Variants in NTN4 observed in about 807,000 individuals in gnomAD.
NTN4 encodes the protein netrin 4, also known as netrin-4.
In NTN4, 32 loss-of-function variants were observed where a neutral mutation model predicts 73.6. The ratio of observed to expected loss-of-function variants is 0.44; its 90% CI spans 0.33 to 0.58. NTN4 has a LOEUF of 0.58. NTN4 is among the 20% of genes least tolerant of loss of function. The pLI, the probability that NTN4 is intolerant of heterozygous loss-of-function variation, is 0.04. For synonymous variants in NTN4, 258 were observed against 287.5 expected (o/e 0.90, Z 1.04); for missense variants, 654 against 798.3 (o/e 0.82, Z 2.18).
At chr12:95,725,344 T>C (rs2078685041) in intron 3 of NTN4, among the ~76,000 whole-genome samples, 1 of 152,152 alleles carries the variant, frequency 6.6e-6, no homozygotes, top group Non-Finnish European at 1.5e-5. Flanking sequence ...TTAGAAGTTG[T>C]TATAATTAGT....
chr12:95,675,344 C>A (rs1017006943), intron 7 of NTN4, among the ~76,000 whole-genome samples: 1 of 152,166 alleles, frequency 6.6e-6, no homozygotes, highest in Non-Finnish European at 1.5e-5. Context: ...CATATGTTCT[C>A]TATGAGAAGG....
chr12:95,672,507 G>C, intron 7 of NTN4: 1 of 1,537,358 alleles, frequency 6.5e-7, no homozygotes. Context: ...GGACCCTCTG[G>C]ACAGTGCTAG....
intron 8 of NTN4, among the ~76,000 whole-genome samples, chr12:95,666,488 G>A (rs924381828): frequency 9.9e-5 from 15 of 151,922 alleles, no homozygotes; most frequent in African/African-American, 2.7e-4. Flanking sequence ...GCTTTATCTC[G>A]TTTATCTATA....
At chr12:95,713,652 A>T (rs769174681) in intron 3 of NTN4, among the ~76,000 whole-genome samples, 43 of 152,200 alleles carry the variant, frequency 2.8e-4, no homozygotes, top group African/African-American at 4.3e-4. Context: ...TTAATTTTTT[A>T]AAATTCTTTA....
At chr12:95,748,244 A>AAAAAAAAAG (rs1555219977) in intron 2 of NTN4, among the ~76,000 whole-genome samples, 3 of 138,482 alleles carry the variant, frequency 2.2e-5, no homozygotes, top group Non-Finnish European at 4.6e-5. Flanking sequence ...AAAAAAAAAA[A>AAAAAAAAAG]AAAAGAAAAG....
chr12:95,720,357 C>G (rs190913451), intron 3 of NTN4, among the ~76,000 whole-genome samples: 2 of 152,270 alleles, frequency 1.3e-5, no homozygotes, highest in Non-Finnish European at 2.9e-5. Flanking sequence ...CCTGAAAAAA[C>G]CATGAATGGA....
intron 2 of NTN4, among the ~76,000 whole-genome samples, chr12:95,752,301 C>T (rs572532121): frequency 2.6e-3 from 387 of 150,928 alleles, no homozygotes; most frequent in African/African-American, 8.5e-3. Flanking sequence ...AGTTCAGGAT[C>T]TGCGCCTTAT....
At chr12:95,710,778 T>C in intron 4 of NTN4, 149 bp from the exon 5 acceptor site, 1 of 661,226 alleles carries the variant, frequency 1.5e-6, no homozygotes, top group South Asian at 2.2e-5. Flanking sequence ...CTGAGGCAGG[T>C]GGATCACCTG....
chr12:95,790,928 C>CGGGGT (rs1555222867), upstream of NTN4, among the ~76,000 whole-genome samples: 2 of 117,128 alleles, frequency 1.7e-5, no homozygotes, highest in East Asian at 3.6e-4. This position sits in a 1 kb window ranked among gnomAD's most constrained non-coding sequence, Gnocchi z 6.5. Flanking sequence ...CGCTGCCGCC[C>CGGGGT]GGGGGGGGGG....
chr12:95,672,416 GAAGCGCAGGCGGGCAGGCGCTGCT>G (rs1440794253), intron 7 of NTN4: 2 of 1,173,336 alleles, frequency 1.7e-6, no homozygotes, highest in Non-Finnish European at 2.6e-6. Context: ...ACCAGGAGGT[GAAGCGCAGGCGGGCAGGCGCTGCT>G]AGATGTTGGC....
chr12:95,777,162 C>T (rs1565917381), intron 2 of NTN4, among the ~76,000 whole-genome samples: 1 of 152,266 alleles, frequency 6.6e-6, no homozygotes, highest in African/African-American at 2.4e-5. Flanking sequence ...CTGAAGGAAG[C>T]ACTAAACATG....
intron 2 of NTN4, among the ~76,000 whole-genome samples, chr12:95,785,951 A>C (rs2079164493): frequency 6.6e-6 from 1 of 152,156 alleles, no homozygotes; most frequent in Admixed American, 6.5e-5. Flanking sequence ...TCTGAGGTTT[A>C]GCATCATCTC....
intron 7 of NTN4, chr12:95,672,925 C>G (rs1380777990): frequency 8.8e-7 from 1 of 1,142,236 alleles, no homozygotes; most frequent in Admixed American, 1.7e-5. Context: ...TATCATGGAG[C>G]TGAACCTGCT....
intron 3 of NTN4, among the ~76,000 whole-genome samples, chr12:95,737,042 C>A (rs977083869): frequency 2.0e-5 from 3 of 152,184 alleles, no homozygotes; most frequent in South Asian, 2.1e-4. Flanking sequence ...ATAATTGGAG[C>A]GCTCATCCTT....
In NTN4 at chr12:95,710,474, G is replaced by T. The variant is rs148847984; in HGVS notation, c.1147C>A (p.Arg383=). Residue 383 remains arginine (R), a synonymous_variant, in exon 5 of 10, where the codon CGG becomes AGG. Coordinates refer to ENST00000343702, the MANE Select transcript of NTN4 (RefSeq NM_021229.4). ...GCATCTGGAGCTGAGAAGGGTCTCC[G>T]CAGGTCACGATAGAAGCCTGGCTTG... ...RCKPGFYRDL[R]RPFSAPDACK... 2 of 1,613,934 alleles carry T rather than the reference G, an allele frequency of 1.2e-6. No homozygotes were observed. Among genetic ancestry groups the T allele is most frequent in the Admixed American group, 1.7e-5 (1 of 60,000 alleles).
At chr12:95,759,663 T>G in intron 2 of NTN4, among the ~76,000 whole-genome samples, 1 of 152,000 alleles carries the variant, frequency 6.6e-6, no homozygotes, top group Non-Finnish European at 1.5e-5. Flanking sequence ...GGTTTTACCA[T>G]GTTGGCCAGG....
At chr12:95,745,103 C>A (rs2078853039) in intron 2 of NTN4, among the ~76,000 whole-genome samples, 1 of 151,908 alleles carries the variant, frequency 6.6e-6, no homozygotes, top group African/African-American at 2.4e-5. Flanking sequence ...GCTTTTTAAA[C>A]AATTTGATTG....
At chr12:95,698,856 C>CAA (rs34600316) in intron 5 of NTN4, among the ~76,000 whole-genome samples, 1,539 of 147,800 alleles carry the variant, frequency 0.01, 13 homozygotes, top group African/African-American at 0.023. Flanking sequence ...GACTCTGCCT[C>CAA]AAAAAAAAAA....
intron 3 of NTN4, among the ~76,000 whole-genome samples, chr12:95,732,396 CT>C (rs35575824): frequency 8.3e-4 from 94 of 112,838 alleles, no homozygotes; most frequent in Middle Eastern, 5.5e-3. Flanking sequence ...CTTTCTTCCT[CT>C]TTTTTTTTTT....
Sources: gnomAD v4.1 joint callset for allele counts (sites outside exome capture counted in the v4.1 genomes callset) on GRCh38, gnomAD v4.1.1 for gene constraint, Gnocchi (gnomAD v3.1) non-coding constraint, MANE v1.5 for transcripts, NCBI Gene and HGNC (gene_info 2026-07-23, HGNC 2026-07-21) for gene names.